SH3PXD2B: variants seen among roughly 807,000 people sequenced by gnomAD.
SH3PXD2B encodes SH3 and PX domain-containing protein 2B.
SH3PXD2B carries 37 observed loss-of-function variants against 73.1 expected under a neutral mutation model. The observed-to-expected ratio is 0.51, with a 90% CI of 0.39 to 0.67. The LOEUF (loss-of-function observed/expected upper bound fraction) is 0.67, where lower values mean the gene tolerates loss of function less well. SH3PXD2B is among the 30% of genes least tolerant of loss of function. The pLI is 0.00. For synonymous variants in SH3PXD2B, 457 were observed against 480.5 expected, an observed-to-expected ratio of 0.95 and a Z score of 0.64; for missense variants, 1,053 against 1,197.8, an observed-to-expected ratio of 0.88 and a Z score of 1.78.
intron 6 of SH3PXD2B, 148 bp from the exon 7 acceptor site, chr5:172,363,017 G>T (rs1757433594): frequency 1.8e-6 from 2 of 1,121,826 alleles, no homozygotes; most frequent in African/African-American, 1.5e-5. Flanking sequence ...TCCATTCATT[G>T]TTCTATTCAT....
intron 3 of SH3PXD2B, among the ~76,000 whole-genome samples, chr5:172,395,673 C>G (rs533557593): frequency 6.6e-6 from 1 of 152,244 alleles, no homozygotes; most frequent in Admixed American, 6.5e-5. Context: ...GAAGCATATG[C>G]ACTAAGGGTT....
At chr5:172,393,615 C>T (rs933120393) in intron 4 of SH3PXD2B, among the ~76,000 whole-genome samples, 3 of 152,142 alleles carry the variant, frequency 2.0e-5, no homozygotes, top group Non-Finnish European at 4.4e-5. Context: ...AACATACTTG[C>T]TTTGTTCCTG....
At chr5:172,383,234 C>G (rs994086891) in intron 4 of SH3PXD2B, among the ~76,000 whole-genome samples, 3 of 152,184 alleles carry the variant, frequency 2.0e-5, no homozygotes, top group Non-Finnish European at 2.9e-5. Flanking sequence ...TTCAAAGTCT[C>G]CAAGTTGATG....
In SH3PXD2B at chr5:172,339,487, C is replaced by T. The variant is rs141493467; in HGVS notation, c.1618G>A (p.Glu540Lys). The change falls in exon 13 of 13, where the codon GAG becomes AAG. Residue 540 changes from glutamate to lysine, a missense_variant. Glu to Lys is a moderately conservative substitution (Grantham distance 56). Coordinates refer to ENST00000311601, the MANE Select transcript of SH3PXD2B (RefSeq NM_001017995.3). The surrounding 1 kb of genome is among the most constrained non-coding windows in gnomAD (Gnocchi z 6.1). ...TGCTCCGTCCTCTGCCGCTCCCGCT[C>T]CCGCTCCAGCAGCTCCCCCTCCGAC... ...IKSEGELLER[E>K]RERQRTEQLR... 1 of 1,613,894 alleles carries T rather than the reference C, an allele frequency of 6.2e-7. No homozygotes were observed. Among genetic ancestry groups the T allele is most frequent in the East Asian group, 2.2e-5 (1 of 44,856 alleles).
Position 172,395,955 on chromosome 5 carries a change from G to C in SH3PXD2B, c.233-1316C>G, listed in dbSNP as rs1425495779. On this transcript the variant is annotated intron_variant, in intron 3 of 12. Coordinates refer to ENST00000311601, the MANE Select transcript of SH3PXD2B (RefSeq NM_001017995.3). Reference sequence around the variant, plus strand: ...TAAAAAGAGGAATTTGGGTCAAGAGGCTGGCAAGGTGAAGAGAGATTACTA... The same window carrying C: ...TAAAAAGAGGAATTTGGGTCAAGAGCCTGGCAAGGTGAAGAGAGATTACTA... Among the ~76,000 whole-genome samples, 4 of 152,172 alleles carry C rather than the reference G, an allele frequency of 2.6e-5. No individual in the cohort carries two copies. The South Asian group carries it at 6.2e-4, about 24-fold the overall frequency.
chr5:172,399,492 AACCGC>A (rs1428171161), intron 3 of SH3PXD2B, among the ~76,000 whole-genome samples: 1 of 152,208 alleles, frequency 6.6e-6, no homozygotes, highest in Non-Finnish European at 1.5e-5. Flanking sequence ...ATCAAAAGAA[AACCGC>A]AGGGAAAAGA....
intron 6 of SH3PXD2B, 138 bp from the exon 7 acceptor site, chr5:172,363,007 T>G: frequency 1.7e-6 from 2 of 1,172,340 alleles, no homozygotes; most frequent in South Asian, 2.5e-5. Context: ...GGTGACTTCA[T>G]CCATTCATTG....
intron 5 of SH3PXD2B, among the ~76,000 whole-genome samples, chr5:172,380,351 GAC>G (rs1405158611): frequency 1.3e-5 from 2 of 152,174 alleles, no homozygotes; most frequent in East Asian, 3.8e-4. Flanking sequence ...GTGAGGGAAT[GAC>G]AGTTTTTATT....
intron 1 of SH3PXD2B, among the ~76,000 whole-genome samples, chr5:172,447,591 T>C (rs1581347987): frequency 6.6e-6 from 1 of 152,300 alleles, no homozygotes. Context: ...ATTTTATAGA[T>C]GAGGAAACTG....
chr5:172,370,053 T>C (rs1278217525), intron 6 of SH3PXD2B, among the ~76,000 whole-genome samples: 1 of 152,186 alleles, frequency 6.6e-6, no homozygotes, highest in Admixed American at 6.5e-5. Context: ...ACTGTACCTG[T>C]CTTGTTCATT....
chr5:172,364,535 C>T (rs537652108), intron 6 of SH3PXD2B, among the ~76,000 whole-genome samples: 4 of 152,170 alleles, frequency 2.6e-5, no homozygotes, highest in East Asian at 1.9e-4. Flanking sequence ...CATGCTGGCA[C>T]GCGCCTGTAG....
intron 1 of SH3PXD2B, among the ~76,000 whole-genome samples, chr5:172,432,296 A>G (rs978159429): frequency 6.6e-6 from 1 of 151,906 alleles, no homozygotes; most frequent in African/African-American, 2.4e-5. Flanking sequence ...CATCACAGCC[A>G]TCTTGCGTTT....
At chr5:172,440,499 T>C (rs1759531974) in intron 1 of SH3PXD2B, among the ~76,000 whole-genome samples, 1 of 146,844 alleles carries the variant, frequency 6.8e-6, no homozygotes, top group Non-Finnish European at 1.5e-5. Context: ...ATCCCCAAAG[T>C]GCAGAAGGAG....
chr5:172,396,582 G>A (rs1209616586), intron 3 of SH3PXD2B, among the ~76,000 whole-genome samples: 1 of 150,640 alleles, frequency 6.6e-6, no homozygotes, highest in Non-Finnish European at 1.5e-5. Context: ...TGGAAACTAG[G>A]TAGACAAGGT....
At chr5:172,416,331 C>CTT (rs200998117) in intron 2 of SH3PXD2B, among the ~76,000 whole-genome samples, 2,957 of 143,308 alleles carry the variant, frequency 0.021, 104 homozygotes, top group African/African-American at 0.07. Context: ...CCTGTCTCTA[C>CTT]TTTTTTTTTT....
intron 5 of SH3PXD2B, among the ~76,000 whole-genome samples, chr5:172,376,840 C>T (rs952322369): frequency 6.6e-6 from 1 of 152,234 alleles, no homozygotes; most frequent in Non-Finnish European, 1.5e-5. Flanking sequence ...GATGAAGATA[C>T]TGACGCCCAG....
intron 4 of SH3PXD2B, among the ~76,000 whole-genome samples, chr5:172,384,008 G>A (rs548785752): frequency 1.2e-3 from 186 of 152,050 alleles, no homozygotes; most frequent in Non-Finnish European, 2.0e-3. Context: ...CACCCCACCC[G>A]GCTAATTTTT....
chr5:172,336,434 T>C lies in SH3PXD2B; in HGVS notation c.*1935A>G. 1.0e-6 allele frequency: 1 copy of C among 985,948 alleles called. No homozygotes were observed. The highest frequency in any genetic ancestry group is 1.2e-6 in the Non-Finnish European group (1 of 830,010). The allele number at this position is 985,948 out of a possible 1,614,324, so 61.1% of individuals were successfully genotyped here. On this transcript the variant is annotated 3_prime_UTR_variant, in exon 13 of 13. Coordinates refer to ENST00000311601, the MANE Select transcript of SH3PXD2B (RefSeq NM_001017995.3). ...CAAGTGGGCCCTGCCCAAGCCTCTC[T>C]GGGAAATGGGATTTGCAGGCCGACT...
At chr5:172,406,240 C>T (rs1758553623) in intron 3 of SH3PXD2B, 37 bp downstream of exon 3, 1 of 1,607,138 alleles carries the variant, frequency 6.2e-7, no homozygotes, top group Non-Finnish European at 8.5e-7. Context: ...TAACAGAGCC[C>T]CCAGTGTCCC....
Sources: allele counts gnomAD v4.1 joint callset (sites outside exome capture counted in the v4.1 genomes callset), GRCh38; gene constraint gnomAD v4.1.1; non-coding constraint Gnocchi (gnomAD v3.1); transcripts MANE v1.5; gene names NCBI Gene and HGNC (gene_info 2026-07-23, HGNC 2026-07-21).